The following EYS variants were observed in gnomAD, a reference collection of about 807,000 sequenced individuals.
EYS encodes the protein protein eyes shut homolog.
A neutral mutation model predicts 282.1 loss-of-function variants in EYS; 250 were observed. The ratio of observed to expected loss-of-function variants is 0.89; its 90% CI spans 0.80 to 0.98. The LOEUF is 0.98. EYS is among the 50% of genes least tolerant of loss of function. The pLI is 0.00. For missense variants in EYS, 4,016 were observed against 3,709.0 expected, an observed-to-expected ratio of 1.08 and a Z score of -2.15; for synonymous variants, 1,355 against 1,282.9, an observed-to-expected ratio of 1.06 and a Z score of -1.20.
rs377252762 is a variant in EYS, at chr6:64,473,026, T to G, written c.5645-33674A>C. Reference sequence around the variant, plus strand: ...TTTCAGCTTTGATCTTTCATTTATTTTGATGAAAAAATATGTTTATGATAG... The same window carrying G: ...TTTCAGCTTTGATCTTTCATTTATTGTGATGAAAAAATATGTTTATGATAG... On this transcript the variant is annotated intron_variant, in intron 26 of 42. Transcript: ENST00000503581. 2.6e-5 allele frequency among the ~76,000 whole-genome samples: 4 copies of G among 152,150 alleles called. No homozygotes were observed. The South Asian group carries it at 6.2e-4, about 24-fold the overall frequency.
intron 18 of EYS, among the ~76,000 whole-genome samples, chr6:64,890,045 GCCCC>G (rs34002004): frequency 1.4e-5 from 2 of 140,468 alleles, no homozygotes; most frequent in Non-Finnish European, 3.0e-5. Flanking sequence ...GCCTATAAAT[GCCCC>G]CCCCCCCCAA....
intron 22 of EYS, among the ~76,000 whole-genome samples, chr6:64,747,460 C>T (rs1029302405): frequency 5.3e-5 from 8 of 152,130 alleles, no homozygotes; most frequent in African/African-American, 1.4e-4. Flanking sequence ...CTGCAACCTC[C>T]GCCTCCCCGG....
intron 39 of EYS, among the ~76,000 whole-genome samples, chr6:63,779,600 T>C (rs1348592396): frequency 6.6e-6 from 1 of 152,184 alleles, no homozygotes; most frequent in Non-Finnish European, 1.5e-5. Context: ...TCAGCTCCTT[T>C]AGCAGTTACT....
At chr6:63,827,446 A>T (rs911646106) in intron 36 of EYS, among the ~76,000 whole-genome samples, 1 of 152,246 alleles carries the variant, frequency 6.6e-6, no homozygotes, top group Non-Finnish European at 1.5e-5. Context: ...AGAACATTTC[A>T]TCCAACAACC....
At chr6:64,881,092 T>C (rs962772674) in intron 19 of EYS, among the ~76,000 whole-genome samples, 1 of 151,726 alleles carries the variant, frequency 6.6e-6, no homozygotes, top group African/African-American at 2.4e-5. Context: ...AGACACTTTG[T>C]CCATCCTGAT....
chr6:64,843,246 C>G (rs140171657), intron 19 of EYS, among the ~76,000 whole-genome samples: 239 of 152,188 alleles, frequency 1.6e-3, no homozygotes, highest in African/African-American at 5.7e-3. Flanking sequence ...GTTGGACCCC[C>G]CACACAGAAC....
chr6:64,838,179 T>A (rs1220840543), intron 19 of EYS, among the ~76,000 whole-genome samples: 1 of 151,930 alleles, frequency 6.6e-6, no homozygotes, highest in Non-Finnish European at 1.5e-5. Flanking sequence ...GTTTTACATG[T>A]ATTTCATAAA....
intron 22 of EYS, among the ~76,000 whole-genome samples, chr6:64,707,953 T>C (rs540078857): frequency 4.6e-5 from 7 of 151,992 alleles, no homozygotes; most frequent in African/African-American, 1.7e-4. Flanking sequence ...AGAATATAAA[T>C]CACAGTGAGG....
At chr6:65,658,833 C>T (rs1041661128) in intron 1 of EYS, among the ~76,000 whole-genome samples, 1 of 151,616 alleles carries the variant, frequency 6.6e-6, no homozygotes, top group Admixed American at 6.6e-5. Flanking sequence ...ATTGTGTTTA[C>T]AGATATTGTC....
Position 65,041,942 on chromosome 6 carries a change from G to A in EYS, c.2137+15672C>T, listed in dbSNP as rs763257924. Among the ~76,000 whole-genome samples the A allele has an allele frequency of 2.7e-4, 41 of 151,576 alleles. 3 individuals carry two copies. The highest frequency in any genetic ancestry group is 3.0e-5 in the Non-Finnish European group (2 of 67,724). ...GCACAAAACTGTTTTATTTATGGTA[G>A]CATCTCACTTCTAGGTACTAATTTC... On this transcript the variant is annotated intron_variant, in intron 13 of 42. Coordinates refer to ENST00000503581, the MANE Select transcript of EYS (RefSeq NM_001142800.2).
intron 26 of EYS, among the ~76,000 whole-genome samples, chr6:64,440,444 T>C (rs148272882): frequency 2.6e-5 from 4 of 152,072 alleles, no homozygotes; most frequent in Non-Finnish European, 4.4e-5. Context: ...TTGCACTTTA[T>C]AGACATAAAA....
Position 65,520,931 on chromosome 6 carries a change from G to C in EYS, c.-332-24938C>G, listed in dbSNP as rs566068914. Among the ~76,000 whole-genome samples, 3 of 152,118 alleles carry C rather than the reference G, an allele frequency of 2.0e-5. No individual in the cohort carries two copies. In the East Asian group the frequency reaches 5.8e-4, roughly 29 times the overall value. On this transcript the variant is annotated intron_variant, in intron 2 of 42. Transcript: ENST00000503581. ...TTGGAGAGGCAATTAAAAATTAAGA[G>C]TAACAAACATCTTCTCAAAATAGTA... is the stretch of plus-strand genomic sequence containing the variant.
intron 13 of EYS, among the ~76,000 whole-genome samples, chr6:65,008,182 A>G (rs969254219): frequency 6.6e-6 from 1 of 152,182 alleles, no homozygotes; most frequent in African/African-American, 2.4e-5. Flanking sequence ...GAATTATTCA[A>G]TGATGTCCAC....
At chr6:64,303,835 C>A (rs571849194) in intron 30 of EYS, among the ~76,000 whole-genome samples, 1 of 82,182 alleles carries the variant, frequency 1.2e-5, no homozygotes, top group East Asian at 2.7e-4. Context: ...AGCGAAACTC[C>A]GTCTCAAAAA....
At chr6:65,056,847 G>T (rs1378462305) in intron 13 of EYS, among the ~76,000 whole-genome samples, 1 of 151,870 alleles carries the variant, frequency 6.6e-6, no homozygotes, top group Admixed American at 6.6e-5. Context: ...TCAACTAAAT[G>T]AGCTAGATAT....
intron 5 of EYS, among the ~76,000 whole-genome samples, chr6:65,480,655 C>A (rs1045786566): frequency 1.3e-5 from 2 of 152,080 alleles, no homozygotes; most frequent in East Asian, 3.9e-4. Context: ...GATAGCTGAA[C>A]CCCCATATTT....
At chr6:64,486,391 C>A (rs944518290) in intron 26 of EYS, among the ~76,000 whole-genome samples, 1 of 151,302 alleles carries the variant, frequency 6.6e-6, no homozygotes, top group Non-Finnish European at 1.5e-5. Context: ...CTATGATGCA[C>A]CAACAAAATC....
intron 36 of EYS, among the ~76,000 whole-genome samples, chr6:63,829,807 C>T (rs113753184): frequency 3.2e-4 from 49 of 152,324 alleles, no homozygotes; most frequent in Middle Eastern, 6.8e-3. Context: ...CTGGGAGACA[C>T]CTCCCAGTAG....
At position 64,303,178 on chromosome 6, in the gene EYS, C is replaced by T. The variant is rs187388109; in HGVS notation, c.6191+3792G>A. ...GGTACCTGCTACACTTAAGCACCGA[C>T]TTCCGGCTTCTAACATTGCAACTGC... On this transcript the variant is annotated intron_variant, in intron 30 of 42. Coordinates refer to ENST00000503581, the MANE Select transcript of EYS (RefSeq NM_001142800.2). Among the ~76,000 whole-genome samples, 9 of 152,320 alleles carry T rather than the reference C, an allele frequency of 5.9e-5. No homozygotes were observed. In the East Asian group the frequency reaches 1.2e-3, roughly 20 times the overall value.
Sources: gnomAD v4.1 joint callset for allele counts (sites outside exome capture counted in the v4.1 genomes callset) on GRCh38, gnomAD v4.1.1 for gene constraint, MANE v1.5 for transcripts, NCBI Gene and HGNC (gene_info 2026-07-23, HGNC 2026-07-21) for gene names.